Variants in PDS5A observed in about 807,000 individuals in gnomAD.
The protein encoded by PDS5A is sister chromatid cohesion protein PDS5 homolog A.
PDS5A carries 42 observed loss-of-function variants against 167.1 expected under a neutral mutation model. The observed-to-expected ratio is 0.25, with a 90% CI of 0.20 to 0.33. The LOEUF is 0.33. Among genes scored for constraint, PDS5A ranks in the 10% least tolerant of loss-of-function variants. The pLI is 1.00. For missense variants in PDS5A, 1,033 were observed against 1,605.9 expected, an observed-to-expected ratio of 0.64 and a Z score of 6.10; for synonymous variants, 553 against 554.6, an observed-to-expected ratio of 1.00 and a Z score of 0.04.
intron 7 of PDS5A, among the ~76,000 whole-genome samples, chr4:39,918,961 C>A (rs9996414): frequency 0.4 from 61,046 of 151,722 alleles, 13,797 homozygotes; most frequent in East Asian, 0.65. Context: ...TACACACACA[C>A]AAAAAAGCAC....
At chr4:39,970,790 CTTTTTTTTTTTTTT>C (rs35223238) in intron 2 of PDS5A, among the ~76,000 whole-genome samples, 1 of 88,490 alleles carries the variant, frequency 1.1e-5, no homozygotes, top group East Asian at 3.9e-4. Flanking sequence ...CCGCTTGTTC[CTTTTTTTTTTTTTT>C]TTTTTTTTTT....
intron 1 of PDS5A, among the ~76,000 whole-genome samples, 200 bp from the exon 2 acceptor site, chr4:39,976,817 G>A (rs903977906): frequency 6.6e-6 from 1 of 152,142 alleles, no homozygotes; most frequent in African/African-American, 2.4e-5. Context: ...AGGCTCACGG[G>A]GCTCCTCCGC....
rs189916633 is a variant in PDS5A at position 39,829,767 on chromosome 4, C to T, written c.4011-4279G>A. ...GAGATCAAGACCATCCTGGCTAACA[C>T]GGTGAAACCCTGTCTCCACTAAAAA... On this transcript the variant is annotated intron_variant, in intron 32 of 32. Coordinates refer to ENST00000303538, the MANE Select transcript of PDS5A (RefSeq NM_001100399.2). 7.2e-3 allele frequency among the ~76,000 whole-genome samples: 1,087 copies of T among 151,572 alleles called. 5 individuals carry two copies. Among genetic ancestry groups the T allele is most frequent in the Non-Finnish European group, 9.8e-3 (666 of 67,894 alleles).
intron 2 of PDS5A, among the ~76,000 whole-genome samples, chr4:39,948,095 T>C (rs557487453): frequency 2.0e-5 from 3 of 151,804 alleles, no homozygotes; most frequent in East Asian, 3.9e-4. Flanking sequence ...CTACTAAAGA[T>C]TTAAAAATTA....
chr4:39,868,516 A>G (rs576475318), intron 22 of PDS5A, among the ~76,000 whole-genome samples: 2 of 152,186 alleles, frequency 1.3e-5, no homozygotes, highest in East Asian at 3.9e-4. Context: ...TTTAGTAGAC[A>G]AGGGGTTTCA....
chr4:39,867,733 A>ACAC (rs1719625266), intron 22 of PDS5A, among the ~76,000 whole-genome samples: 3 of 130,632 alleles, frequency 2.3e-5, no homozygotes, highest in African/African-American at 3.4e-5. Flanking sequence ...AAAAAACCAA[A>ACAC]ACACACACAC....
intron 2 of PDS5A, among the ~76,000 whole-genome samples, chr4:39,970,898 G>C (rs768476856): frequency 2.1e-5 from 3 of 141,466 alleles, no homozygotes; most frequent in Non-Finnish European, 4.5e-5. Context: ...TCCTGGGCTT[G>C]AGTGATCCTC....
chr4:39,943,032 T>A (rs908312070), intron 2 of PDS5A, among the ~76,000 whole-genome samples: 5 of 152,038 alleles, frequency 3.3e-5, no homozygotes, highest in Non-Finnish European at 1.5e-5. Flanking sequence ...AATGCATTAG[T>A]ATATTTTTTA....
intron 5 of PDS5A, among the ~76,000 whole-genome samples, chr4:39,923,233 C>T (rs574551707): frequency 2.7e-5 from 4 of 148,198 alleles, no homozygotes; most frequent in East Asian, 2.0e-4. Flanking sequence ...GAGGCTAAGG[C>T]GGAAGAATCA....
chr4:39,841,662 C>T (rs983404642), intron 31 of PDS5A, among the ~76,000 whole-genome samples: 1 of 152,102 alleles, frequency 6.6e-6, no homozygotes, highest in African/African-American at 2.4e-5. Context: ...TTGGTGCCAA[C>T]CACCACGCCC....
At chr4:39,915,033 C>G (rs962938296) in intron 8 of PDS5A, among the ~76,000 whole-genome samples, 18 of 139,394 alleles carry the variant, frequency 1.3e-4, no homozygotes, top group African/African-American at 4.5e-4. Context: ...TTTTAAATGA[C>G]AAAAATGATT....
intron 16 of PDS5A, chr4:39,897,986 A>G: frequency 1.1e-6 from 1 of 899,360 alleles, no homozygotes; most frequent in Non-Finnish European, 1.3e-6. Context: ...ATAGGAATTT[A>G]CTTTATCTGT....
chr4:39,948,210 C>CAAAAAAAAAAAAA (rs35177594), intron 2 of PDS5A, among the ~76,000 whole-genome samples: 2 of 96,444 alleles, frequency 2.1e-5, no homozygotes, highest in Admixed American at 1.2e-4. Flanking sequence ...TATCCCGTCT[C>CAAAAAAAAAAAAA]AAAAAAAAAA....
At chr4:39,863,506 A>G in intron 23 of PDS5A, 47 bp from the exon 24 acceptor site, 2 of 1,391,672 alleles carry the variant, frequency 1.4e-6, no homozygotes, top group South Asian at 2.6e-5. Context: ...AACCACTATC[A>G]TTCATAAAAA....
chr4:39,866,038 A>T (rs1342027183), intron 23 of PDS5A, among the ~76,000 whole-genome samples: 1 of 152,216 alleles, frequency 6.6e-6, no homozygotes, highest in African/African-American at 2.4e-5. Context: ...GTGCACATAC[A>T]AGTGTACACA....
chr4:39,844,840 GT>G, intron 29 of PDS5A, 39 bp from the exon 30 acceptor site: 1 of 1,564,698 alleles, frequency 6.4e-7, no homozygotes, highest in Non-Finnish European at 8.6e-7. Context: ...AAACACACAC[GT>G]TTATACCTTA....
intron 22 of PDS5A, among the ~76,000 whole-genome samples, chr4:39,867,829 G>A (rs141109179): frequency 7.9e-5 from 12 of 151,824 alleles, no homozygotes; most frequent in East Asian, 1.9e-4. Flanking sequence ...TTTCAGTTTT[G>A]TGGTATTGAA....
intron 2 of PDS5A, among the ~76,000 whole-genome samples, chr4:39,942,037 A>G (rs1299068049): frequency 6.6e-6 from 1 of 152,132 alleles, no homozygotes; most frequent in Non-Finnish European, 1.5e-5. Context: ...ACCCAACTTG[A>G]GTCTCTTTAG....
rs1475909860 is a variant in PDS5A, at chr4:39,963,994, C to T, written c.138+12446G>A. Among the ~76,000 whole-genome samples the T allele has an allele frequency of 4.6e-5, 7 of 152,080 alleles. No homozygotes were observed. In the South Asian group the frequency reaches 1.5e-3, roughly 32 times the overall value. ...CAATCTTGACTCACTGCAACCTCTG[C>T]CTCCCAAGTTCAAGTGATTCTCCTG... On this transcript the variant is annotated intron_variant, in intron 2 of 32. Transcript: ENST00000303538.
Sources: gnomAD v4.1 joint callset for allele counts (sites outside exome capture counted in the v4.1 genomes callset) on GRCh38, gnomAD v4.1.1 for gene constraint, MANE v1.5 for transcripts, NCBI Gene and HGNC (gene_info 2026-07-23, HGNC 2026-07-21) for gene names.